The following CSMD3 variants were observed in gnomAD, a reference collection of about 807,000 sequenced individuals.
CSMD3 encodes CUB and sushi domain-containing protein 3.
CSMD3 carries 177 observed loss-of-function variants against 435.2 expected under a neutral mutation model. The ratio of observed to expected loss-of-function variants is 0.41; its 90% CI spans 0.36 to 0.46. The LOEUF (loss-of-function observed/expected upper bound fraction) is 0.46, where lower values mean the gene tolerates loss of function less well. CSMD3 is among the 20% of genes least tolerant of loss of function. The pLI is 0.34. For synonymous variants in CSMD3, 1,656 were observed against 1,520.5 expected (o/e 1.09, Z -2.07); for missense variants, 4,265 against 4,504.6 (o/e 0.95, Z 1.52).
intron 32 of CSMD3, among the ~76,000 whole-genome samples, chr8:112,416,831 G>A (rs1280690869): frequency 1.3e-5 from 2 of 151,998 alleles, no homozygotes; most frequent in Non-Finnish European, 2.9e-5. Context: ...GACTTAGACT[G>A]GGGCATGGTT....
At chr8:112,712,181 A>T (rs2076624095) in intron 13 of CSMD3, among the ~76,000 whole-genome samples, 1 of 152,132 alleles carries the variant, frequency 6.6e-6, no homozygotes, top group Admixed American at 6.6e-5. Flanking sequence ...CAGAGCTGAA[A>T]CTGTGAGCTT....
intron 5 of CSMD3, among the ~76,000 whole-genome samples, chr8:113,033,874 T>C (rs1274286594): frequency 6.6e-6 from 1 of 151,382 alleles, no homozygotes; most frequent in African/African-American, 2.4e-5. Flanking sequence ...GGTGATTGGA[T>C]CATGGGGGCA....
At chr8:112,659,382 C>G (rs995548074) in intron 17 of CSMD3, among the ~76,000 whole-genome samples, 1 of 152,110 alleles carries the variant, frequency 6.6e-6, no homozygotes, top group Non-Finnish European at 1.5e-5. Context: ...ATATGCTAAA[C>G]AAATATTATG....
chr8:113,052,509 A>T (rs2131332107), intron 5 of CSMD3, among the ~76,000 whole-genome samples: 1 of 152,370 alleles, frequency 6.6e-6, no homozygotes, highest in South Asian at 2.1e-4. Context: ...GTGGTGGCTC[A>T]TGCCAGGTGT....
intron 32 of CSMD3, among the ~76,000 whole-genome samples, chr8:112,450,546 T>C (rs1056854990): frequency 6.6e-6 from 1 of 152,126 alleles, no homozygotes; most frequent in Admixed American, 6.6e-5. Flanking sequence ...CTAAGGGTGG[T>C]TGGAGAGTTT....
intron 13 of CSMD3, among the ~76,000 whole-genome samples, chr8:112,740,737 A>G (rs1242746873): frequency 1.3e-5 from 2 of 151,872 alleles, no homozygotes; most frequent in East Asian, 1.9e-4. Context: ...CGCCACACGT[A>G]ACAGGAGGTC....
chr8:112,886,294 T>C (rs920088916), intron 10 of CSMD3, among the ~76,000 whole-genome samples: 2 of 151,750 alleles, frequency 1.3e-5, no homozygotes, highest in African/African-American at 4.8e-5. Flanking sequence ...ACATATCAAA[T>C]ATAAATGTTA....
chr8:112,664,138 C>A (rs1274207739), intron 17 of CSMD3, among the ~76,000 whole-genome samples: 4 of 151,680 alleles, frequency 2.6e-5, no homozygotes, highest in African/African-American at 9.7e-5. Context: ...AATGTTTAGT[C>A]CAAAACAAGA....
At chr8:112,688,890 A>T (rs2131819407) in intron 14 of CSMD3, among the ~76,000 whole-genome samples, 1 of 152,186 alleles carries the variant, frequency 6.6e-6, no homozygotes, top group East Asian at 1.9e-4. Flanking sequence ...GGAATCTGTT[A>T]AAATGCTCTT....
chr8:112,736,096 T>C (rs1454922026), intron 13 of CSMD3, among the ~76,000 whole-genome samples: 1 of 152,026 alleles, frequency 6.6e-6, no homozygotes, highest in Non-Finnish European at 1.5e-5. Flanking sequence ...AACACAATAT[T>C]TGGCACGTAA....
chr8:113,380,086 C>T (rs370420775), intron 1 of CSMD3, among the ~76,000 whole-genome samples: 3 of 152,078 alleles, frequency 2.0e-5, no homozygotes, highest in East Asian at 3.9e-4. Context: ...ATTCATGATC[C>T]GTACTGTGTC....
At chr8:113,332,999 TG>T (rs1472908804) in intron 1 of CSMD3, among the ~76,000 whole-genome samples, 1 of 151,700 alleles carries the variant, frequency 6.6e-6, no homozygotes, top group Non-Finnish European at 1.5e-5. Flanking sequence ...GATTTGAGTG[TG>T]GGGGAGTCAA....
intron 13 of CSMD3, among the ~76,000 whole-genome samples, chr8:112,753,569 C>G (rs1362982577): frequency 6.6e-6 from 1 of 152,098 alleles, no homozygotes; most frequent in Non-Finnish European, 1.5e-5. Context: ...GTTTCAGGAG[C>G]CTCTATATGC....
chr8:112,917,269 C>T (rs1366064508), intron 10 of CSMD3, among the ~76,000 whole-genome samples: 1 of 151,700 alleles, frequency 6.6e-6, no homozygotes, highest in Admixed American at 6.6e-5. Flanking sequence ...GGAGCATTGC[C>T]AAACAAAATA....
intron 32 of CSMD3, among the ~76,000 whole-genome samples, chr8:112,451,229 T>G (rs778143786): frequency 6.6e-6 from 1 of 152,186 alleles, no homozygotes; most frequent in Non-Finnish European, 1.5e-5. Flanking sequence ...TTAACAGTAG[T>G]TATCTCTGGA....
At chr8:112,645,348 T>C (rs2074951322) in intron 19 of CSMD3, 123 bp from the exon 20 acceptor site, 1 of 721,876 alleles carries the variant, frequency 1.4e-6, no homozygotes, top group Non-Finnish European at 2.6e-6. Flanking sequence ...CTCCTAGTAA[T>C]AACAGGTGTG....
At chr8:113,260,655 T>C (rs1046084724) in intron 3 of CSMD3, among the ~76,000 whole-genome samples, 7 of 152,162 alleles carry the variant, frequency 4.6e-5, no homozygotes, top group Non-Finnish European at 1.0e-4. Context: ...ATGTGCAGAA[T>C]GTGCAGGTTT....
chr8:112,617,426 T>C (rs961032665), intron 22 of CSMD3, among the ~76,000 whole-genome samples: 1 of 152,152 alleles, frequency 6.6e-6, no homozygotes, highest in Non-Finnish European at 1.5e-5. Flanking sequence ...TCTTTGTAAT[T>C]TGGGGTAGAT....
chr8:112,768,778 T>C lies in CSMD3; in HGVS notation c.1972+31384A>G, dbSNP rs190012785. ...GTTTCCCTCCAATTCTTTTACAGGG[T>C]TGTCTGTGTTTATTATGGGTAACTC... On this transcript the variant is annotated intron_variant, in intron 13 of 70. Transcript: ENST00000297405. Among the ~76,000 whole-genome samples the C allele has an allele frequency of 5.9e-5, 9 of 151,928 alleles. No homozygotes were observed. In the East Asian group the frequency reaches 1.2e-3, roughly 20 times the overall value.
Sources: allele counts gnomAD v4.1 joint callset (sites outside exome capture counted in the v4.1 genomes callset), GRCh38; gene constraint gnomAD v4.1.1; transcripts MANE v1.5; gene names NCBI Gene and HGNC (gene_info 2026-07-23, HGNC 2026-07-21).